The following KLHL2 variants were observed in gnomAD, a reference collection of about 807,000 sequenced individuals.
The protein encoded by KLHL2 is kelch-like protein 2.
In KLHL2, 15 loss-of-function variants were observed where a neutral mutation model predicts 75.8. The ratio of observed to expected loss-of-function variants is 0.20; its 90% confidence interval spans 0.13 to 0.30. The LOEUF (loss-of-function observed/expected upper bound fraction) is 0.30, where lower values mean the gene tolerates loss of function less well. KLHL2 is among the 10% of genes least tolerant of loss of function. The pLI, the probability that KLHL2 is intolerant of heterozygous loss-of-function variation, is 1.00. For missense variants in KLHL2, 381 were observed against 741.0 expected, an observed-to-expected ratio of 0.51 and a Z score of 5.64; for synonymous variants, 214 against 251.9, an observed-to-expected ratio of 0.85 and a Z score of 1.42.
intron 5 of KLHL2, chr4:165,279,421 A>C (rs754948602): frequency 1.3e-6 from 2 of 1,599,510 alleles, no homozygotes; most frequent in Non-Finnish European, 1.7e-6. Context: ...TGAGCTGTCC[A>C]AGTTTCTCAC....
At chr4:165,271,517 C>T (rs1742693198) in intron 5 of KLHL2, among the ~76,000 whole-genome samples, 1 of 152,138 alleles carries the variant, frequency 6.6e-6, no homozygotes, top group African/African-American at 2.4e-5. Context: ...TGAGGCTTTA[C>T]TGAATTCATT....
In KLHL2 at chr4:165,218,486, A is replaced by G. The variant is rs200986925; in HGVS notation, c.27-1448A>G. 4.6e-5 allele frequency among the ~76,000 whole-genome samples: 7 copies of G among 151,778 alleles called. No homozygotes were observed. In the East Asian group the frequency reaches 1.4e-3, roughly 29 times the overall value. On this transcript the variant is annotated intron_variant, in intron 1 of 14. Transcript: ENST00000226725. ...CAACTAGGCCTTCCCTGAGCACCCT[A>G]TTTACTGCAGATTACACCCCTCCAC...
chr4:165,264,684 G>A (rs1742015981), intron 5 of KLHL2, among the ~76,000 whole-genome samples: 1 of 46,840 alleles, frequency 2.1e-5, no homozygotes, highest in African/African-American at 7.4e-5. Flanking sequence ...GTATATGTAT[G>A]TGTGTGTGTG....
chr4:165,216,659 CTA>C (rs988542559), intron 1 of KLHL2, among the ~76,000 whole-genome samples: 22 of 152,250 alleles, frequency 1.4e-4, no homozygotes, highest in African/African-American at 5.1e-4. Flanking sequence ...TGTCTCACAT[CTA>C]TAGTTTTAGA....
intron 5 of KLHL2, chr4:165,278,039 A>G: frequency 6.6e-7 from 1 of 1,514,474 alleles, no homozygotes; most frequent in South Asian, 1.1e-5. Flanking sequence ...GCTACTCACT[A>G]TAAAAAAGCC....
At chr4:165,300,766 G>A (rs1745292133) in intron 8 of KLHL2, among the ~76,000 whole-genome samples, 1 of 152,172 alleles carries the variant, frequency 6.6e-6, no homozygotes, top group Non-Finnish European at 1.5e-5. Context: ...TCTTGTATAT[G>A]TTTCGGGCAA....
rs1183273262 is a variant in KLHL2, at chr4:165,299,592, C to G, written c.857C>G (p.Thr286Arg). Reference protein sequence around the residue: ...IEAMKYHLLPTEQRILMKSVR... With the variant: ...IEAMKYHLLPREQRILMKSVR... ...GCAATGAAGTACCATTTGCTGCCAA[C>G]AGAGCAGCGTATATTAATGAAGAGT... Residue 286 changes from threonine to arginine, a missense_variant, in exon 8 of 15, where the codon ACA (threonine) becomes AGA (arginine). Around this residue, in one of 5 missense-constraint regions of KLHL2, gnomAD observed 111 missense variants for 150.1 expected, o/e 0.74. Transcript: ENST00000226725. 2 of 1,613,674 alleles carry G rather than the reference C, an allele frequency of 1.2e-6. No homozygotes were observed. Among genetic ancestry groups the G allele is most frequent in the East Asian group, 4.5e-5 (2 of 44,856 alleles).
At chr4:165,247,411 T>A (rs567004074) in intron 4 of KLHL2, among the ~76,000 whole-genome samples, 2 of 152,094 alleles carry the variant, frequency 1.3e-5, no homozygotes, top group Non-Finnish European at 2.9e-5. Flanking sequence ...AGTTTAAGGG[T>A]GTTTTTGTTT....
chr4:165,228,832 A>G lies in KLHL2; in HGVS notation c.178A>G (p.Ile60Val), dbSNP rs541393030. 1.2e-6 allele frequency: 2 copies of G among 1,613,204 alleles called. No individual in the cohort carries two copies. The highest frequency in any genetic ancestry group is 1.1e-5 in the South Asian group (1 of 91,010). The change falls in exon 3 of 15, where the codon ATT (isoleucine) becomes GTT (valine). Residue 60 changes from isoleucine (I) to valine (V), a missense_variant. Ile to Val is a conservative substitution (Grantham distance 29, BLOSUM62 3). Transcript: ENST00000226725. Reference protein sequence around the residue: ...RSQNLLCDVTIVAEDMEISAH... With the variant: ...RSQNLLCDVTVVAEDMEISAH... ...TCAAAATTTGCTGTGCGATGTCACA[A>G]TTGTGGCAGAAGACATGGAAATTTC...
intron 4 of KLHL2, among the ~76,000 whole-genome samples, chr4:165,253,181 C>T (rs1456223214): frequency 6.6e-6 from 1 of 152,026 alleles, no homozygotes; most frequent in Non-Finnish European, 1.5e-5. Flanking sequence ...ATTACAGGCA[C>T]CCACCACCAT....
intron 5 of KLHL2, among the ~76,000 whole-genome samples, chr4:165,290,930 A>G (rs1009258687): frequency 1.3e-5 from 2 of 152,236 alleles, no homozygotes; most frequent in African/African-American, 4.8e-5. Flanking sequence ...GAAACTGCCA[A>G]ACTGATTTCC....
At chr4:165,209,373 A>AC (rs1222893207) in intron 1 of KLHL2, 14 of 152,188 alleles carry the variant, frequency 9.2e-5, no homozygotes, top group African/African-American at 3.4e-4. Context: ...TCTGTAGTAA[A>AC]CCTGCCTTCT....
chr4:165,265,148 T>A (rs886857177), intron 5 of KLHL2, among the ~76,000 whole-genome samples: 1 of 152,180 alleles, frequency 6.6e-6, no homozygotes, highest in Non-Finnish European at 1.5e-5. Context: ...ATTTCTTTCA[T>A]GTTTGTTGAC....
chr4:165,314,456 T>C (rs897179722), intron 13 of KLHL2, among the ~76,000 whole-genome samples: 41 of 152,288 alleles, frequency 2.7e-4, no homozygotes, highest in African/African-American at 9.1e-4. Context: ...AAATTAGGTG[T>C]AGACCCTTTA....
At chr4:165,275,434 A>C (rs1743007255) in intron 5 of KLHL2, among the ~76,000 whole-genome samples, 1 of 152,168 alleles carries the variant, frequency 6.6e-6, no homozygotes, top group African/African-American at 2.4e-5. Flanking sequence ...TTATAACTTG[A>C]AATATGAATT....
intron 1 of KLHL2, chr4:165,208,539 T>C (rs2110921300): frequency 6.6e-6 from 1 of 152,302 alleles, no homozygotes; most frequent in South Asian, 2.1e-4. Flanking sequence ...CAGGTGTCTT[T>C]TTTCTTTGGT....
At chr4:165,274,665 T>C (rs1388889850) in intron 5 of KLHL2, among the ~76,000 whole-genome samples, 1 of 152,022 alleles carries the variant, frequency 6.6e-6, no homozygotes, top group Non-Finnish European at 1.5e-5. Flanking sequence ...TCACTGGAGA[T>C]TCTGGACGTA....
intron 4 of KLHL2, among the ~76,000 whole-genome samples, chr4:165,254,666 A>G (rs1275121129): frequency 2.6e-5 from 4 of 152,244 alleles, no homozygotes; most frequent in Non-Finnish European, 5.9e-5. Context: ...GGGAGGTGCT[A>G]GAAAGAAAAG....
intron 8 of KLHL2, among the ~76,000 whole-genome samples, chr4:165,305,027 CT>C (rs1393113164): frequency 3.9e-5 from 6 of 152,126 alleles, no homozygotes; most frequent in African/African-American, 9.7e-5. Flanking sequence ...ATTACATGTC[CT>C]GTTAGGTTGT....
Sources: gnomAD v4.1 joint callset for allele counts (sites outside exome capture counted in the v4.1 genomes callset) on GRCh38, gnomAD v4.1.1 for gene constraint, gnomAD v4.1.1 regional missense constraint, MANE v1.5 for transcripts, NCBI Gene and HGNC (gene_info 2026-07-23, HGNC 2026-07-21) for gene names.